The following LNX1 variants were observed in gnomAD, a reference collection of about 807,000 sequenced individuals.
LNX1 encodes ligand of numb-protein X 1.
In LNX1, 54 loss-of-function variants were observed where a neutral mutation model predicts 68.4. The ratio of observed to expected loss-of-function variants is 0.79; its 90% CI spans 0.63 to 0.99. LNX1 has a LOEUF of 0.99. LNX1 is among the 50% of genes least tolerant of loss of function. The pLI, the probability that LNX1 is intolerant of heterozygous loss-of-function variation, is 0.00. For missense variants in LNX1, 906 were observed against 926.4 expected, an observed-to-expected ratio of 0.98 and a Z score of 0.29; for synonymous variants, 336 against 350.0, an observed-to-expected ratio of 0.96 and a Z score of 0.45.
At chr4:53,516,568 G>A (rs778118854) in intron 2 of LNX1, among the ~76,000 whole-genome samples, 13 of 152,108 alleles carry the variant, frequency 8.5e-5, no homozygotes, top group Non-Finnish European at 1.5e-4. Context: ...AGTGACATTG[G>A]TCTAGCAGAC....
intron 2 of LNX1, among the ~76,000 whole-genome samples, chr4:53,540,216 TA>T (rs200607142): frequency 4.0e-5 from 6 of 150,324 alleles, no homozygotes; most frequent in African/African-American, 1.5e-4. Context: ...ACCCTGTCTC[TA>T]AAAAAAAATA....
intron 2 of LNX1, among the ~76,000 whole-genome samples, chr4:53,536,323 A>G (rs1728369787): frequency 1.9e-5 from 1 of 52,152 alleles, no homozygotes; most frequent in Non-Finnish European, 4.9e-5. Flanking sequence ...ACAGATTCTC[A>G]CTCCACATCT....
At chr4:53,608,932 G>A (rs780549902) in intron 2 of LNX1, among the ~76,000 whole-genome samples, 2 of 152,176 alleles carry the variant, frequency 1.3e-5, no homozygotes, top group Non-Finnish European at 1.5e-5. Context: ...CACAAAGAAG[G>A]GAACAACAGA....
intron 8 of LNX1, among the ~76,000 whole-genome samples, chr4:53,477,893 C>T (rs1723665887): frequency 6.6e-6 from 1 of 152,160 alleles, no homozygotes; most frequent in South Asian, 2.1e-4. Context: ...TCAGGCTCAG[C>T]AGCTGTACTT....
At chr4:53,592,881 C>T (rs780407653), upstream of LNX1, 1 of 151,550 alleles carries the variant, frequency 6.6e-6, no homozygotes, top group Non-Finnish European at 1.5e-5. Flanking sequence ...AAATTGTAGT[C>T]GAGGGCGGGG....
intron 6 of LNX1, among the ~76,000 whole-genome samples, chr4:53,494,754 A>C (rs977518593): frequency 6.6e-6 from 1 of 152,184 alleles, no homozygotes; most frequent in Non-Finnish European, 1.5e-5. Context: ...AACTTAACAG[A>C]TATTTGCTGG....
At chr4:53,567,605 C>T (rs915469550) in intron 2 of LNX1, among the ~76,000 whole-genome samples, 1 of 151,928 alleles carries the variant, frequency 6.6e-6, no homozygotes, top group African/African-American at 2.4e-5. Context: ...CAAGAGCAAA[C>T]ACATTCCAAA....
At chr4:53,618,227 C>T (rs1733748688), upstream of LNX1, among the ~76,000 whole-genome samples, 1 of 152,030 alleles carries the variant, frequency 6.6e-6, no homozygotes, top group Non-Finnish European at 1.5e-5. Flanking sequence ...TCAGCTTTCA[C>T]TGATATCTAG....
chr4:53,461,438 A>ATTC lies in LNX1; in HGVS notation c.2045_2047dup (p.Arg682dup). On this transcript the variant is annotated inframe_insertion, in exon 10 of 11. Coordinates refer to ENST00000263925, the MANE Select transcript of LNX1 (RefSeq NM_001126328.3). ...TTTGATTAGTCATTATTATTACCTAATTCTTCCATCATTGTATGCTGGTGT... is the reference window on the plus strand; with the variant it reads ...TTTGATTAGTCATTATTATTACCTAATTCTTCTTCCATCATTGTATGCTGGTGT... 6.2e-7 allele frequency: 1 copy of ATTC among 1,604,814 alleles called. No individual in the cohort carries two copies. Among genetic ancestry groups the ATTC allele is most frequent in the Non-Finnish European group, 8.5e-7 (1 of 1,175,182 alleles).
At chr4:53,591,509 C>G, upstream of LNX1, 1 of 985,526 alleles carries the variant, frequency 1.0e-6, no homozygotes, top group Non-Finnish European at 1.2e-6. Flanking sequence ...CTTCGGTGAA[C>G]AGGTGCCTGG....
intron 2 of LNX1, chr4:53,558,291 C>A: frequency 9.0e-7 from 1 of 1,117,110 alleles, no homozygotes; most frequent in Non-Finnish European, 1.1e-6. Flanking sequence ...TGGGAAGCAG[C>A]TGGTACATTT....
At chr4:53,469,832 A>T (rs576921937) in intron 9 of LNX1, among the ~76,000 whole-genome samples, 54 of 152,326 alleles carry the variant, frequency 3.5e-4, no homozygotes, top group Non-Finnish European at 6.6e-4. Context: ...CAGGCTCTGA[A>T]ATTGAGGCAA....
chr4:53,594,675 T>C (rs1338590152), upstream of LNX1, among the ~76,000 whole-genome samples: 7 of 152,196 alleles, frequency 4.6e-5, no homozygotes, highest in East Asian at 1.4e-3. Flanking sequence ...GATCAAACCC[T>C]TTTCTTTTAC....
chr4:53,494,662 C>T (rs1390749901), intron 6 of LNX1, among the ~76,000 whole-genome samples: 1 of 152,238 alleles, frequency 6.6e-6, no homozygotes, highest in South Asian at 2.1e-4. Flanking sequence ...TTTCCTGCCA[C>T]ACTGGAGGAT....
At chr4:53,494,425 G>C (rs1724911603) in intron 6 of LNX1, among the ~76,000 whole-genome samples, 1 of 152,120 alleles carries the variant, frequency 6.6e-6, no homozygotes, top group Non-Finnish European at 1.5e-5. Flanking sequence ...GGGCTATTAA[G>C]GAAATGTTCT....
rs1721354632 is a variant in LNX1, at chr4:53,459,508, A to AT, written c.*1398dup. On this transcript the variant is annotated 3_prime_UTR_variant, in exon 11 of 11. Transcript: ENST00000263925. Reference sequence around the variant, plus strand: ...AGAAGTAGATACTATAAATCTTGTTATTTTTCTGGATAATGTTTAAGAAAT... The same window carrying AT: ...AGAAGTAGATACTATAAATCTTGTTATTTTTTCTGGATAATGTTTAAGAAAT... 3 of 1,603,998 alleles carry AT rather than the reference A, an allele frequency of 1.9e-6. No homozygotes were observed. Among genetic ancestry groups the AT allele is most frequent in the African/African-American group, 1.3e-5 (1 of 74,602 alleles).
chr4:53,650,219 G>A (rs763489686), intron 1 of LNX1, among the ~76,000 whole-genome samples: 2 of 152,148 alleles, frequency 1.3e-5, no homozygotes, highest in Non-Finnish European at 2.9e-5. Context: ...TGCATAGCGC[G>A]TGTCACAGTC....
At chr4:53,530,223 C>T (rs1435222) in intron 2 of LNX1, among the ~76,000 whole-genome samples, 94,126 of 151,940 alleles carry the variant, frequency 0.62, 31,572 homozygotes, top group Admixed American at 0.74. Flanking sequence ...TTTTAAGTAA[C>T]GTTTTAAAAT....
chr4:53,507,796 C>T (rs534303853), intron 3 of LNX1, among the ~76,000 whole-genome samples, 190 bp downstream of exon 3: 2 of 152,314 alleles, frequency 1.3e-5, no homozygotes, highest in East Asian at 3.9e-4. Flanking sequence ...TCAGATTACA[C>T]ACAGTTTTAA....
Sources: allele counts gnomAD v4.1 joint callset (sites outside exome capture counted in the v4.1 genomes callset), GRCh38; gene constraint gnomAD v4.1.1; transcripts MANE v1.5; gene names NCBI Gene and HGNC (gene_info 2026-07-23, HGNC 2026-07-21).